PTPRU: variants seen among roughly 807,000 people sequenced by gnomAD.
PTPRU encodes receptor-type tyrosine-protein phosphatase U.
Under a neutral mutation model 166.3 loss-of-function variants are expected in PTPRU, and 69 were observed. That is an observed-to-expected ratio of 0.41 (90% CI 0.34 to 0.51). PTPRU has a LOEUF of 0.51. PTPRU is among the 20% of genes least tolerant of loss of function. The pLI is 0.09. For synonymous variants in PTPRU, 793 were observed against 814.0 expected, an observed-to-expected ratio of 0.97 and a Z score of 0.44; for missense variants, 1,657 against 2,013.7, an observed-to-expected ratio of 0.82 and a Z score of 3.39.
At chr1:29,305,510 G>A (rs1189228611) in intron 18 of PTPRU, 82 bp downstream of exon 18, 32 of 1,368,324 alleles carry the variant, frequency 2.3e-5, no homozygotes, top group Admixed American at 1.7e-4. Context: ...GAAACCTGTC[G>A]GGATAAATGG....
intron 7 of PTPRU, among the ~76,000 whole-genome samples, chr1:29,262,150 C>T (rs547078448): frequency 1.3e-5 from 2 of 152,332 alleles, no homozygotes; most frequent in South Asian, 4.1e-4. Context: ...CTTAAGGACT[C>T]TTTTATAACC....
rs1686613425 is a variant in PTPRU, at chr1:29,291,204, A to C, written c.2319-665A>C. ...GGACGGACTGGTGGGCAGTGGTGGG[A>C]ATCTGGACCTTCTGTGGGTCTCTTT... On this transcript the variant is annotated intron_variant, in intron 14 of 29. Coordinates refer to ENST00000373779, the MANE Select transcript of PTPRU (RefSeq NM_133178.4). The surrounding 1 kb of genome is among the most constrained non-coding windows in gnomAD (Gnocchi z 4.1). Among the ~76,000 whole-genome samples, 1 of 151,852 alleles carries C rather than the reference A, an allele frequency of 6.6e-6. No individual in the cohort carries two copies. Among genetic ancestry groups the C allele is most frequent in the South Asian group, 2.1e-4 (1 of 4,814 alleles).
intron 18 of PTPRU, among the ~76,000 whole-genome samples, chr1:29,308,694 G>A (rs868859294): frequency 9.2e-5 from 14 of 151,998 alleles, no homozygotes; most frequent in Non-Finnish European, 1.5e-4. Context: ...TATTTTGTGG[G>A]TGCTTTTTCC....
chr1:29,309,639 C>G (rs760528466), intron 18 of PTPRU, among the ~76,000 whole-genome samples: 1 of 152,240 alleles, frequency 6.6e-6, no homozygotes, highest in Non-Finnish European at 1.5e-5. Flanking sequence ...TTGCTTCTCA[C>G]AACAGCCCTC....
At chr1:29,301,005 G>T (rs1298755890) in intron 15 of PTPRU, among the ~76,000 whole-genome samples, 3 of 152,192 alleles carry the variant, frequency 2.0e-5, no homozygotes, top group East Asian at 3.8e-4. Context: ...GAAAAGTAGG[G>T]GGAGGAGGAG....
intron 7 of PTPRU, among the ~76,000 whole-genome samples, chr1:29,272,208 G>A (rs1255679717): frequency 6.6e-6 from 1 of 152,234 alleles, no homozygotes; most frequent in Admixed American, 6.5e-5. Context: ...TATGGGCCAG[G>A]AATGGGAGAG....
intron 25 of PTPRU, 90 bp downstream of exon 25, chr1:29,318,011 T>G: frequency 6.7e-7 from 1 of 1,490,300 alleles, no homozygotes; most frequent in Non-Finnish European, 9.1e-7. Context: ...AGCTGAAGGC[T>G]CTGTTGGGGG....
Position 29,259,469 on chromosome 1 carries a change from C to T in PTPRU, c.580C>T (p.Arg194Cys), listed in dbSNP as rs551327796. 4.3e-6 allele frequency: 7 copies of T among 1,612,042 alleles called. No homozygotes were observed. The highest frequency in any genetic ancestry group is 1.3e-5 in the African/African-American group (1 of 75,046). ...CGCAGCAAAGGCCCCACACTTCTCCCGCCTGGGCGACGTGGAGGTCAACGC... is the reference window on the plus strand; with the variant it reads ...CGCAGCAAAGGCCCCACACTTCTCCTGCCTGGGCGACGTGGAGGTCAACGC... Reference protein sequence around the residue: ...YPCAKAPHFSRLGDVEVNAGQ... With the variant: ...YPCAKAPHFSCLGDVEVNAGQ... The change falls in exon 5 of 30, where the codon CGC becomes TGC. Residue 194 changes from arginine to cysteine, a missense_variant. Arg to Cys is a radical substitution (Grantham distance 180). Coordinates refer to ENST00000373779, the MANE Select transcript of PTPRU (RefSeq NM_133178.4).
intron 13 of PTPRU, 107 bp downstream of exon 13, chr1:29,284,083 G>T (rs1180565055): frequency 2.1e-6 from 3 of 1,422,122 alleles, no homozygotes; most frequent in African/African-American, 1.4e-5. Flanking sequence ...GAGGAGGGTG[G>T]TTGGGCAGTC....
chr1:29,259,137 G>A, intron 3 of PTPRU, 124 bp from the exon 4 acceptor site: 1 of 1,094,828 alleles, frequency 9.1e-7, no homozygotes, highest in Non-Finnish European at 1.3e-6. Flanking sequence ...GGGAGGGTCA[G>A]TGTGAGCTGG....
rs1244174340 is a variant in PTPRU, at chr1:29,325,299, C to T, written c.4221C>T (p.Asn1407=). 2.5e-6 allele frequency: 4 copies of T among 1,614,192 alleles called. No individual in the cohort carries two copies. The South Asian group carries it at 4.4e-5, about 18-fold the overall frequency. Residue 1407 remains asparagine, a synonymous_variant, in exon 29 of 30, where the codon AAC becomes AAT. Transcript: ENST00000373779. ...DVFFAAKTLR[N]YKPNMVETMD... ...TCTTTGCTGCCAAAACCCTCCGGAACTACAAACCCAACATGGTGGAGACCA... is the reference window on the plus strand; with the variant it reads ...TCTTTGCTGCCAAAACCCTCCGGAATTACAAACCCAACATGGTGGAGACCA...
chr1:29,311,882 G>A lies in PTPRU; in HGVS notation c.3072+123G>A. On this transcript the variant is annotated intron_variant, in intron 21 of 29. Coordinates refer to ENST00000373779, the MANE Select transcript of PTPRU (RefSeq NM_133178.4). The surrounding 1 kb of genome is among the most constrained non-coding windows in gnomAD (Gnocchi z 4.1). The stretch of plus-strand genomic sequence containing the variant: ...GCGCACCACTGCCCATCCCAGCAAG[G>A]AAGCTACTTGGTCACTGTTGGCTGG... The A allele has an allele frequency of 1.0e-6, 1 of 973,722 alleles. No individual in the cohort carries two copies. Among genetic ancestry groups the A allele is most frequent in the Non-Finnish European group, 1.6e-6 (1 of 640,982 alleles). The allele number at this position is 973,722 out of a possible 1,614,324, so 60.3% of individuals were successfully genotyped here. A position where few individuals can be genotyped will look rare whatever the true frequency, so the allele number is the denominator to read the frequency against.
intron 15 of PTPRU, among the ~76,000 whole-genome samples, chr1:29,296,533 G>T (rs1277435616): frequency 6.8e-6 from 1 of 146,866 alleles, no homozygotes; most frequent in African/African-American, 2.5e-5. Context: ...TTTTGAGATA[G>T]GGTTTCACCC....
chr1:29,275,847 C>G, intron 8 of PTPRU, 91 bp downstream of exon 8: 2 of 1,392,128 alleles, frequency 1.4e-6, no homozygotes, highest in Non-Finnish European at 1.9e-6. Flanking sequence ...GTATTTTTTT[C>G]TTTTTTTTGC....
At chr1:29,288,003 C>T (rs1455504746) in intron 14 of PTPRU, among the ~76,000 whole-genome samples, 2 of 152,030 alleles carry the variant, frequency 1.3e-5, no homozygotes, top group Admixed American at 6.6e-5. Flanking sequence ...TTAGTAGAGA[C>T]AGGGCATCAT....
chr1:29,289,625 G>A (rs771771135), intron 14 of PTPRU: 27 of 1,610,040 alleles, frequency 1.7e-5, no homozygotes, highest in Middle Eastern at 1.7e-4. Flanking sequence ...GCCTCAGCCC[G>A]GCCTTGGTGG....
At chr1:29,304,444 A>G (rs3737606) in intron 16 of PTPRU, among the ~76,000 whole-genome samples, 45,793 of 151,850 alleles carry the variant, frequency 0.3, 7,919 homozygotes, top group African/African-American at 0.48. Context: ...CTCTGACATC[A>G]CCCTTATCCT....
chr1:29,319,831 C>T (rs868086399), intron 25 of PTPRU, among the ~76,000 whole-genome samples: 7 of 140,056 alleles, frequency 5.0e-5, no homozygotes, highest in Non-Finnish European at 7.7e-5. Context: ...GAGAAGAGCT[C>T]GGGGAAGGGA....
chr1:29,301,690 T>C (rs12046479), intron 15 of PTPRU, among the ~76,000 whole-genome samples: 37,794 of 151,928 alleles, frequency 0.25, 5,939 homozygotes, highest in East Asian at 0.63. Flanking sequence ...CCCATTAACT[T>C]GTCATTTACA....
Sources: allele counts gnomAD v4.1 joint callset (sites outside exome capture counted in the v4.1 genomes callset), GRCh38; gene constraint gnomAD v4.1.1; non-coding constraint Gnocchi (gnomAD v3.1); transcripts MANE v1.5; gene names NCBI Gene and HGNC (gene_info 2026-07-23, HGNC 2026-07-21).